The following ERC1 variants were observed in gnomAD, a reference collection of about 807,000 sequenced individuals.
ERC1 encodes the protein RAB6 interacting protein 2.
ERC1 carries 56 observed loss-of-function variants against 132.0 expected under a neutral mutation model. The ratio of observed to expected loss-of-function variants is 0.42; its 90% CI spans 0.34 to 0.53. ERC1 has a LOEUF of 0.53. Among genes scored for constraint, ERC1 ranks in the 20% least tolerant of loss-of-function variants. The pLI is 0.03. For synonymous variants in ERC1, 478 were observed against 476.1 expected, an observed-to-expected ratio of 1.00 and a Z score of -0.05; for missense variants, 1,202 against 1,349.9, an observed-to-expected ratio of 0.89 and a Z score of 1.72.
At chr12:1,075,455 G>T (rs1438470861) in intron 2 of ERC1, among the ~76,000 whole-genome samples, 1 of 152,150 alleles carries the variant, frequency 6.6e-6, no homozygotes, top group Non-Finnish European at 1.5e-5. Flanking sequence ...CTCTTTGGGA[G>T]GCCGAGGCTG....
At chr12:1,103,063 C>T (rs1281130567) in intron 3 of ERC1, among the ~76,000 whole-genome samples, 2 of 152,192 alleles carry the variant, frequency 1.3e-5, no homozygotes, top group Non-Finnish European at 2.9e-5. Flanking sequence ...GGCATGACGT[C>T]ATTTTCCTCT....
intron 15 of ERC1, among the ~76,000 whole-genome samples, chr12:1,307,930 T>C (rs1361038904): frequency 6.6e-6 from 1 of 152,200 alleles, no homozygotes; most frequent in Non-Finnish European, 1.5e-5. Flanking sequence ...GTAGATGTAA[T>C]GTAGTGTGAC....
At chr12:1,101,933 G>A (rs1168903713) in intron 3 of ERC1, among the ~76,000 whole-genome samples, 2 of 152,140 alleles carry the variant, frequency 1.3e-5, no homozygotes, top group African/African-American at 4.8e-5. Context: ...AAGAAGGGTT[G>A]CTTTTTTTCT....
chr12:1,269,154 G>A (rs1386148205), intron 14 of ERC1, among the ~76,000 whole-genome samples: 1 of 152,230 alleles, frequency 6.6e-6, no homozygotes, highest in East Asian at 1.9e-4. Flanking sequence ...CAAAGTAGCT[G>A]TAATTTCATG....
chr12:1,360,293 A>T (rs1276296540), intron 15 of ERC1, among the ~76,000 whole-genome samples: 1 of 152,210 alleles, frequency 6.6e-6, no homozygotes, highest in African/African-American at 2.4e-5. Flanking sequence ...CATGAAGAAA[A>T]TGAAGCTTGG....
In ERC1 at chr12:1,102,180, A is replaced by C. The variant is rs1321749280; in HGVS notation, c.1087-2570A>C. On this transcript the variant is annotated intron_variant, in intron 3 of 18. Coordinates refer to ENST00000360905, the MANE Select transcript of ERC1 (RefSeq NM_178040.4). ...TAGAGTTTGCAAAGGAGGTGAACTG[A>C]CAATAACTATTAGGTTTAGAAACAA... 2.6e-5 allele frequency among the ~76,000 whole-genome samples: 4 copies of C among 152,256 alleles called. No homozygotes were observed. The East Asian group carries it at 7.7e-4, about 29-fold the overall frequency.
chr12:1,323,791 T>G (rs1013425288), intron 15 of ERC1, among the ~76,000 whole-genome samples: 7 of 152,194 alleles, frequency 4.6e-5, no homozygotes, highest in African/African-American at 1.7e-4. Context: ...AAGGAATGAT[T>G]GTTCTTGTCT....
At chr12:1,004,842 G>T (rs1409829116) in intron 1 of ERC1, among the ~76,000 whole-genome samples, 1 of 55,956 alleles carries the variant, frequency 1.8e-5, no homozygotes, top group African/African-American at 6.0e-5. Flanking sequence ...GTGTGTGTGT[G>T]TGTGTGTATA....
chr12:1,404,481 G>T lies in ERC1; in HGVS notation c.2926-3668G>T, dbSNP rs188914801. ...ATAGTTGGTCTCACAAGCAAAGTGT[G>T]CTGGGAGAGCAAAAACAGAAGAAAA... On this transcript the variant is annotated intron_variant, in intron 16 of 18. Transcript: ENST00000360905. Among the ~76,000 whole-genome samples the T allele has an allele frequency of 5.9e-5, 9 of 151,980 alleles. No individual in the cohort carries two copies. The East Asian group carries it at 1.7e-3, about 29-fold the overall frequency.
intron 8 of ERC1, among the ~76,000 whole-genome samples, chr12:1,165,834 C>G (rs1952367118): frequency 6.6e-6 from 1 of 152,218 alleles, no homozygotes; most frequent in South Asian, 2.1e-4. Flanking sequence ...ATAAAATTTA[C>G]CATTTTAAAC....
At chr12:1,225,029 A>C (rs1464542249) in intron 12 of ERC1, among the ~76,000 whole-genome samples, 3 of 152,114 alleles carry the variant, frequency 2.0e-5, no homozygotes, top group Non-Finnish European at 4.4e-5. Flanking sequence ...AAAAAACAAA[A>C]AGAAAAAAAC....
intron 13 of ERC1, among the ~76,000 whole-genome samples, chr12:1,249,570 T>C (rs1225801113): frequency 6.6e-6 from 1 of 152,230 alleles, no homozygotes; most frequent in Admixed American, 6.5e-5. Context: ...ATACTTGAGC[T>C]TGGGGACCAT....
chr12:1,009,060 T>A (rs1468065149), intron 1 of ERC1, among the ~76,000 whole-genome samples: 5 of 152,150 alleles, frequency 3.3e-5, no homozygotes, highest in Admixed American at 2.0e-4. Flanking sequence ...AAAAAGAAGT[T>A]TGTGACTTTG....
intron 18 of ERC1, among the ~76,000 whole-genome samples, chr12:1,481,378 T>C (rs1010913508): frequency 6.6e-6 from 1 of 152,268 alleles, no homozygotes; most frequent in African/African-American, 2.4e-5. Context: ...TAACAACACA[T>C]GCCTGTACTC....
intron 13 of ERC1, among the ~76,000 whole-genome samples, chr12:1,248,743 C>G (rs1443496323): frequency 6.6e-6 from 1 of 152,160 alleles, no homozygotes; most frequent in African/African-American, 2.4e-5. Flanking sequence ...TGTTTGCTCA[C>G]TGTTTCATAC....
chr12:1,259,355 C>T (rs1032119015), intron 13 of ERC1, among the ~76,000 whole-genome samples: 12 of 151,904 alleles, frequency 7.9e-5, no homozygotes, highest in African/African-American at 2.9e-4. Flanking sequence ...TTACACAAAC[C>T]AACACACACA....
At chr12:1,146,718 C>G (rs898035681) in intron 8 of ERC1, among the ~76,000 whole-genome samples, 1 of 151,504 alleles carries the variant, frequency 6.6e-6, no homozygotes, top group East Asian at 1.9e-4. Flanking sequence ...TGGTGTGCTG[C>G]ACCCATTAAC....
At chr12:1,349,855 G>A (rs1390042552) in intron 15 of ERC1, among the ~76,000 whole-genome samples, 2 of 152,102 alleles carry the variant, frequency 1.3e-5, no homozygotes, top group East Asian at 3.9e-4. Context: ...TCCTAAACAA[G>A]AGTATGGCAC....
rs118044544 is a variant in ERC1, at chr12:1,432,113, A to G, written c.3025-12449A>G. Among the ~76,000 whole-genome samples, 88 of 152,288 alleles carry G rather than the reference A, an allele frequency of 5.8e-4. No homozygotes were observed. The East Asian group carries it at 0.016, about 28-fold the overall frequency. On this transcript the variant is annotated intron_variant, in intron 17 of 18. Transcript: ENST00000360905. ...AGGTTGGTCTCGAACTCCTGAGCTC[A>G]AGCAGTCCTCCCACCTCGACCTCCC...
Sources: allele counts gnomAD v4.1 joint callset (sites outside exome capture counted in the v4.1 genomes callset), GRCh38; gene constraint gnomAD v4.1.1; transcripts MANE v1.5; gene names NCBI Gene and HGNC (gene_info 2026-07-23, HGNC 2026-07-21).